Variants in PHACTR1 observed in about 807,000 individuals in gnomAD.
PHACTR1 encodes RPEL repeat containing 1.
Under a neutral mutation model 69.2 loss-of-function variants are expected in PHACTR1, and 16 were observed. The observed-to-expected ratio is 0.23, with a 90% CI of 0.16 to 0.35. PHACTR1 has a LOEUF of 0.35. PHACTR1 is among the 10% of genes least tolerant of loss of function. The probability of loss-of-function intolerance (pLI) is 1.00; values close to 1 mark genes in which losing one functional copy is unlikely to be tolerated. For synonymous variants in PHACTR1, 312 were observed against 284.5 expected, an observed-to-expected ratio of 1.10 and a Z score of -0.97; for missense variants, 510 against 734.7, an observed-to-expected ratio of 0.69 and a Z score of 3.54.
chr6:13,133,125 T>C (rs1303219883), intron 5 of PHACTR1, among the ~76,000 whole-genome samples: 1 of 151,434 alleles, frequency 6.6e-6, no homozygotes, highest in Non-Finnish European at 1.5e-5. Context: ...ACTGCTTTCT[T>C]TGCTCCCCCG....
chr6:12,802,142 G>A (rs28451666), intron 4 of PHACTR1, among the ~76,000 whole-genome samples: 55,307 of 147,968 alleles, frequency 0.37, 11,105 homozygotes, highest in African/African-American at 0.51. Context: ...AAAATAATAT[G>A]TAGCTCAATT....
intron 7 of PHACTR1, among the ~76,000 whole-genome samples, chr6:13,201,542 A>T (rs996054266): frequency 2.6e-5 from 4 of 152,152 alleles, no homozygotes; most frequent in Admixed American, 1.3e-4. Flanking sequence ...CTGTAGGGAG[A>T]TAGATATCTG....
chr6:13,224,809 G>A (rs1769318171), intron 8 of PHACTR1, among the ~76,000 whole-genome samples: 1 of 152,186 alleles, frequency 6.6e-6, no homozygotes, highest in Admixed American at 6.5e-5. Context: ...CATGGGTGAG[G>A]CTCTTAGATC....
At chr6:12,978,253 G>A (rs1463444934) in intron 4 of PHACTR1, among the ~76,000 whole-genome samples, 2 of 152,260 alleles carry the variant, frequency 1.3e-5, no homozygotes, top group South Asian at 4.1e-4. Context: ...TCACCCCCTT[G>A]CCTAGTGCAA....
In PHACTR1 at chr6:13,252,985, G is replaced by C. The variant is rs145329800; in HGVS notation, c.1392-19875G>C. On this transcript the variant is annotated intron_variant, in intron 10 of 14. Transcript: ENST00000332995. ...ATAGCATGAGATCTCATCTGAACTT[G>C]AGTTGTTATTGTTTCCAGAAACAAG... The C allele has an allele frequency of 2.4e-4, 107 of 451,850 alleles. 1 individual carries two copies. Among genetic ancestry groups the C allele is most frequent in the African/African-American group, 1.9e-3 (93 of 50,146 alleles). 28.0% of individuals were successfully genotyped at this position (451,850 alleles called of 1,614,324 possible).
At chr6:12,882,354 G>A (rs1214541688) in intron 4 of PHACTR1, among the ~76,000 whole-genome samples, 1 of 152,050 alleles carries the variant, frequency 6.6e-6, no homozygotes, top group African/African-American at 2.4e-5. Context: ...GAGGGAAGGC[G>A]GATTGAGCAG....
At chr6:12,784,777 C>T (rs991692060) in intron 4 of PHACTR1, among the ~76,000 whole-genome samples, 2 of 151,716 alleles carry the variant, frequency 1.3e-5, no homozygotes, top group Non-Finnish European at 2.9e-5. Context: ...TGCAATGGCA[C>T]GATCTTGGCT....
At chr6:13,161,065 G>T (rs1758923525) in intron 6 of PHACTR1, among the ~76,000 whole-genome samples, 1 of 151,942 alleles carries the variant, frequency 6.6e-6, no homozygotes. Context: ...CTGCAGCCTT[G>T]ACCTCCCAGC....
chr6:12,929,144 G>T (rs9369655), intron 4 of PHACTR1, among the ~76,000 whole-genome samples: 18,544 of 152,048 alleles, frequency 0.12, 2,219 homozygotes, highest in African/African-American at 0.31. Flanking sequence ...TGATCAACTG[G>T]CACAGAGGAA....
intron 4 of PHACTR1, among the ~76,000 whole-genome samples, chr6:12,992,168 G>T (rs868608935): frequency 6.6e-6 from 1 of 152,062 alleles, no homozygotes. Context: ...CAAATCCCCA[G>T]TGATAAATGT....
intron 6 of PHACTR1, among the ~76,000 whole-genome samples, chr6:13,176,195 T>C (rs769097107): frequency 4.6e-5 from 7 of 152,194 alleles, no homozygotes; most frequent in Non-Finnish European, 8.8e-5. Flanking sequence ...AAAATAAATG[T>C]AAGCATCTTG....
intron 3 of PHACTR1, chr6:12,749,352 G>A (rs867328666): frequency 2.4e-5 from 12 of 490,132 alleles, no homozygotes; most frequent in South Asian, 2.2e-4. Context: ...GTGGCTGGGA[G>A]AGGAGTCTGG....
intron 5 of PHACTR1, among the ~76,000 whole-genome samples, chr6:13,054,260 T>TATGG: frequency 6.6e-6 from 1 of 152,226 alleles, no homozygotes; most frequent in East Asian, 1.9e-4. Flanking sequence ...GGAGAGTTTG[T>TATGG]ATGGCATCTT....
intron 11 of PHACTR1, chr6:13,273,222 A>G (rs1197295720): frequency 1.8e-5 from 6 of 340,954 alleles, no homozygotes; most frequent in Non-Finnish European, 3.2e-5. Flanking sequence ...ATGATTTTTA[A>G]GAGCAGGGTC....
intron 4 of PHACTR1, among the ~76,000 whole-genome samples, chr6:12,768,809 TACACACACACACACACACACACACACAC>T (rs4053038): frequency 3.2e-5 from 4 of 123,288 alleles, no homozygotes; most frequent in South Asian, 3.2e-4. Context: ...ATGTGCTATC[TACACACACACACACACACACACACACAC>T]ACACACACAC....
intron 5 of PHACTR1, among the ~76,000 whole-genome samples, chr6:13,133,808 A>G (rs1820987291): frequency 6.8e-6 from 1 of 147,656 alleles, no homozygotes; most frequent in African/African-American, 2.5e-5. Flanking sequence ...CTGGGAAGTG[A>G]GGAGCGTCTC....
chr6:12,756,842 G>A (rs1039016774), intron 4 of PHACTR1, among the ~76,000 whole-genome samples: 4 of 152,130 alleles, frequency 2.6e-5, no homozygotes, highest in Admixed American at 6.6e-5. Flanking sequence ...CTAGGTGGTC[G>A]AATATTAAAT....
intron 4 of PHACTR1, among the ~76,000 whole-genome samples, chr6:13,023,091 A>G (rs1018600705): frequency 6.6e-6 from 1 of 152,208 alleles, no homozygotes; most frequent in African/African-American, 2.4e-5. Context: ...TGATTTTAGA[A>G]TTGAAAATGA....
Position 13,283,091 on chromosome 6 carries a change from C to T in PHACTR1, c.1510-331C>T, listed in dbSNP as rs576167847. Among the ~76,000 whole-genome samples the T allele has an allele frequency of 3.3e-4, 50 of 152,044 alleles. No homozygotes were observed. The highest frequency in any genetic ancestry group is 1.1e-3 in the African/African-American group (46 of 41,482). The stretch of plus-strand genomic sequence containing the variant: ...ATTGTTGAAGCTGGTGATAATACAC[C>T]AAATTCATTACATTAGTCTCCTTCC... On this transcript the variant is annotated intron_variant, in intron 12 of 14. Transcript: ENST00000332995. The surrounding 1 kb of genome is among the most constrained non-coding windows in gnomAD (Gnocchi z 4.7).
Sources: gnomAD v4.1 joint callset for allele counts (sites outside exome capture counted in the v4.1 genomes callset) on GRCh38, gnomAD v4.1.1 for gene constraint, Gnocchi (gnomAD v3.1) non-coding constraint, MANE v1.5 for transcripts, NCBI Gene and HGNC (gene_info 2026-07-23, HGNC 2026-07-21) for gene names.